The following PRKCE variants were observed in gnomAD, a reference collection of about 807,000 sequenced individuals.
PRKCE encodes protein kinase C epsilon type.
In PRKCE, 16 loss-of-function variants were observed where a neutral mutation model predicts 85.4. The ratio of observed to expected loss-of-function variants is 0.19; its 90% confidence interval spans 0.13 to 0.28. The LOEUF is 0.28. PRKCE is among the 10% of genes least tolerant of loss of function. The probability of loss-of-function intolerance (pLI) is 1.00; values close to 1 mark genes in which losing one functional copy is unlikely to be tolerated. For missense variants in PRKCE, 573 were observed against 975.2 expected, an observed-to-expected ratio of 0.59 and a Z score of 5.49; for synonymous variants, 388 against 371.5, an observed-to-expected ratio of 1.04 and a Z score of -0.51.
intron 1 of PRKCE, among the ~76,000 whole-genome samples, chr2:45,691,241 A>G (rs1368320361): frequency 1.3e-5 from 2 of 152,180 alleles, no homozygotes; most frequent in Non-Finnish European, 2.9e-5. Context: ...CGTGGCAGGA[A>G]TAGTCATTTT....
intron 1 of PRKCE, among the ~76,000 whole-genome samples, chr2:45,661,788 C>T (rs1675674464): frequency 6.6e-6 from 1 of 151,918 alleles, no homozygotes; most frequent in Non-Finnish European, 1.5e-5. Flanking sequence ...ATCCACCCGC[C>T]TTGGCCTCCC....
At chr2:45,956,600 G>C (rs1700992419) in intron 2 of PRKCE, among the ~76,000 whole-genome samples, 1 of 152,028 alleles carries the variant, frequency 6.6e-6, no homozygotes, top group Non-Finnish European at 1.5e-5. Flanking sequence ...CAGGAGAATT[G>C]CTTGAACCCG....
chr2:45,976,006 T>C (rs1242859090), intron 2 of PRKCE, among the ~76,000 whole-genome samples: 1 of 152,150 alleles, frequency 6.6e-6, no homozygotes, highest in Non-Finnish European at 1.5e-5. Flanking sequence ...GCCATTGCCA[T>C]TTACAAAGGG....
intron 2 of PRKCE, among the ~76,000 whole-genome samples, chr2:45,935,400 G>A (rs74442545): frequency 6.6e-6 from 1 of 152,146 alleles, no homozygotes; most frequent in African/African-American, 2.4e-5. Context: ...TTGAAGTACT[G>A]TTTTAGCTAA....
At chr2:46,109,498 C>T (rs1672055867) in intron 11 of PRKCE, among the ~76,000 whole-genome samples, 1 of 152,010 alleles carries the variant, frequency 6.6e-6, no homozygotes, top group East Asian at 1.9e-4. Context: ...AATTTCAAGT[C>T]TCAATTGTTT....
At chr2:45,918,706 T>G (rs1698017477) in intron 2 of PRKCE, among the ~76,000 whole-genome samples, 1 of 152,102 alleles carries the variant, frequency 6.6e-6, no homozygotes, top group African/African-American at 2.4e-5. Flanking sequence ...AGGAATGACT[T>G]TTCATGGGCC....
intron 1 of PRKCE, among the ~76,000 whole-genome samples, chr2:45,800,705 A>G (rs920284117): frequency 8.5e-5 from 13 of 152,244 alleles, no homozygotes; most frequent in African/African-American, 2.9e-4. Context: ...TTCAAGGCAG[A>G]AGAACAAAAT....
chr2:45,700,059 C>T (rs1049450509), intron 1 of PRKCE, among the ~76,000 whole-genome samples: 8 of 151,876 alleles, frequency 5.3e-5, no homozygotes, highest in Admixed American at 3.3e-4. Flanking sequence ...GCAGAAGGCA[C>T]GAGCCACAAG....
chr2:46,056,813 G>C (rs1386216082), intron 10 of PRKCE, among the ~76,000 whole-genome samples: 2 of 152,114 alleles, frequency 1.3e-5, no homozygotes, highest in Admixed American at 1.3e-4. Context: ...AGTGAATCAT[G>C]GTTCTAATAT....
intron 2 of PRKCE, among the ~76,000 whole-genome samples, chr2:45,917,849 G>C (rs764811246): frequency 2.6e-5 from 4 of 152,238 alleles, no homozygotes; most frequent in African/African-American, 9.6e-5. Context: ...GCGAGAAATC[G>C]AGCGCAGCGC....
At chr2:45,931,631 A>G (rs1304723790) in intron 2 of PRKCE, among the ~76,000 whole-genome samples, 4 of 152,202 alleles carry the variant, frequency 2.6e-5, no homozygotes, top group Non-Finnish European at 5.9e-5. Context: ...AATGCTGCGT[A>G]TGACTGATTC....
At chr2:45,976,637 A>C in intron 3 of PRKCE, 49 bp downstream of exon 3, 2 of 1,581,370 alleles carry the variant, frequency 1.3e-6, no homozygotes, top group Non-Finnish European at 1.7e-6. Context: ...CTGTTACAAG[A>C]TGTCGGGGAT....
At chr2:45,729,790 C>A (rs2104536321) in intron 1 of PRKCE, among the ~76,000 whole-genome samples, 1 of 152,292 alleles carries the variant, frequency 6.6e-6, no homozygotes, top group African/African-American at 2.4e-5. Context: ...GTCCAGACTG[C>A]TCTGGCCATC....
chr2:46,131,816 T>C (rs1047607205), intron 11 of PRKCE, among the ~76,000 whole-genome samples: 2 of 152,244 alleles, frequency 1.3e-5, no homozygotes, highest in African/African-American at 4.8e-5. Flanking sequence ...CTTTCTTTTT[T>C]TCCCCAAGTG....
intron 14 of PRKCE, among the ~76,000 whole-genome samples, chr2:46,180,983 T>C (rs1188046070): frequency 1.3e-5 from 2 of 152,184 alleles, no homozygotes; most frequent in African/African-American, 4.8e-5. Flanking sequence ...TGTCCCACTG[T>C]CATCTCTCAG....
intron 10 of PRKCE, among the ~76,000 whole-genome samples, chr2:46,012,166 T>C (rs1705738134): frequency 6.6e-6 from 1 of 152,228 alleles, no homozygotes; most frequent in Non-Finnish European, 1.5e-5. Flanking sequence ...AAATGTATCA[T>C]ATTTTGTATT....
chr2:46,128,564 C>T (rs1312332642), intron 11 of PRKCE, among the ~76,000 whole-genome samples: 3 of 152,184 alleles, frequency 2.0e-5, no homozygotes, highest in Non-Finnish European at 4.4e-5. Context: ...GCCTGGGAGA[C>T]GTCACGTTCT....
chr2:45,914,684 A>T (rs1379490612), intron 2 of PRKCE, among the ~76,000 whole-genome samples: 1 of 152,188 alleles, frequency 6.6e-6, no homozygotes. Context: ...AATGAACCAT[A>T]ATCTGATTAG....
chr2:46,126,545 C>T (rs547211529), intron 11 of PRKCE, among the ~76,000 whole-genome samples: 13 of 152,230 alleles, frequency 8.5e-5, no homozygotes, highest in African/African-American at 3.1e-4. Context: ...ACAGTTCATG[C>T]AAAAGCCTGA....
Sources: allele counts gnomAD v4.1 joint callset (sites outside exome capture counted in the v4.1 genomes callset), GRCh38; gene constraint gnomAD v4.1.1; transcripts MANE v1.5; gene names NCBI Gene and HGNC (gene_info 2026-07-23, HGNC 2026-07-21).